Variants in MEPE observed in about 807,000 individuals in gnomAD.
The protein encoded by MEPE is matrix extracellular phosphoglycoprotein, also known as matrix, extracellular phosphoglycoprotein with ASARM motif (bone).
In MEPE, 7 loss-of-function variants were observed where a neutral mutation model predicts 7.3. The observed-to-expected ratio is 0.95, with a 90% CI of 0.54 to 1.79. The LOEUF (loss-of-function observed/expected upper bound fraction) is 1.79, where lower values mean the gene tolerates loss of function less well. Among genes scored for constraint, MEPE ranks in the 40% most tolerant of loss-of-function variants. MEPE has a pLI of 0.00. For missense variants in MEPE, 623 were observed against 628.2 expected, an observed-to-expected ratio of 0.99 and a Z score of 0.09; for synonymous variants, 214 against 213.1, an observed-to-expected ratio of 1.00 and a Z score of -0.04.
At chr4:87,832,745 T>C (rs914731034), upstream of MEPE, among the ~76,000 whole-genome samples, 42 of 152,206 alleles carry the variant, frequency 2.8e-4, no homozygotes, top group Admixed American at 2.2e-3. Flanking sequence ...GACAACATGA[T>C]GTCCAAACTG....
chr4:87,835,284 G>A lies in MEPE; in HGVS notation c.54+516G>A, dbSNP rs190518092. Among the ~76,000 whole-genome samples, 10 of 152,318 alleles carry A rather than the reference G, an allele frequency of 6.6e-5. No individual in the cohort carries two copies. The East Asian group carries it at 1.2e-3, about 18-fold the overall frequency. On this transcript the variant is annotated intron_variant, in intron 2 of 3. Transcript: ENST00000361056. Reference sequence around the variant, plus strand: ...TCATCAGCGAGGCTAGAGGTGGGACGTAGTACCTCCAAGCTTAACCCAAAT... The same window carrying A: ...TCATCAGCGAGGCTAGAGGTGGGACATAGTACCTCCAAGCTTAACCCAAAT...
In MEPE at chr4:87,846,543, A is replaced by G; in HGVS notation, c.*97A>G. The G allele has an allele frequency of 7.3e-7, 1 of 1,376,422 alleles. No homozygotes were observed. Among genetic ancestry groups the G allele is most frequent in the South Asian group, 1.4e-5 (1 of 71,404 alleles). The allele number at this position is 1,376,422 out of a possible 1,614,324, so 85.3% of individuals were successfully genotyped here. The stretch of plus-strand genomic sequence containing the variant: ...ACCTGACAGCTGACCAGGTGAAGAG[A>G]GGATAGAGTGAAGAACTGAGTGAGC... On this transcript the variant is annotated 3_prime_UTR_variant, in exon 4 of 4. Coordinates refer to ENST00000361056, the MANE Select transcript of MEPE (RefSeq NM_020203.6).
Position 87,846,477 on chromosome 4 carries a change from C to A in MEPE, c.*31C>A. The A allele has an allele frequency of 1.3e-6, 2 of 1,587,084 alleles. No homozygotes were observed. The highest frequency in any genetic ancestry group is 2.3e-5 in the South Asian group (2 of 85,840). On this transcript the variant is annotated 3_prime_UTR_variant, in exon 4 of 4. Transcript: ENST00000361056. The stretch of plus-strand genomic sequence containing the variant: ...CAGGAGTTCCCAGCGGGGTGACAGT[C>A]TGAAGACCTCGTCACCTGTGAGTTG...
Position 87,845,211 on chromosome 4 carries a change from T to C in MEPE, c.343T>C (p.Ser115Pro), listed in dbSNP as rs1040381838. Reference sequence around the variant, plus strand: ...GAATACTCACAATGGCCTGAGGATGTCAATTTATCCTAAGTCAACTGGGAA... The same window carrying C: ...GAATACTCACAATGGCCTGAGGATGCCAATTTATCCTAAGTCAACTGGGAA... ...KENTHNGLRM[S>P]IYPKSTGNKG... Residue 115 changes from serine (S) to proline (P), a missense_variant, in exon 4 of 4, where the codon TCA (serine) becomes CCA (proline). Ser to Pro is a moderately conservative substitution (Grantham distance 74, BLOSUM62 -1). Coordinates refer to ENST00000361056, the MANE Select transcript of MEPE (RefSeq NM_020203.6). 2 of 1,613,884 alleles carry C rather than the reference T, an allele frequency of 1.2e-6. No homozygotes were observed. Among genetic ancestry groups the C allele is most frequent in the African/African-American group, 2.7e-5 (2 of 74,898 alleles).
intron 2 of MEPE, 46 bp downstream of exon 2, chr4:87,834,814 TC>T: frequency 6.6e-7 from 1 of 1,522,574 alleles, no homozygotes; most frequent in Middle Eastern, 1.7e-4. Context: ...TCTCTTGCTC[TC>T]TTCATTTGTT....
upstream of MEPE, among the ~76,000 whole-genome samples, chr4:87,829,026 T>C (rs1276001893): frequency 6.6e-6 from 1 of 152,166 alleles, no homozygotes; most frequent in Non-Finnish European, 1.5e-5. Flanking sequence ...GGCAAAACTC[T>C]CTATTATACA....
At chr4:87,836,625 A>G (rs1722805348) in intron 2 of MEPE, among the ~76,000 whole-genome samples, 1 of 152,232 alleles carries the variant, frequency 6.6e-6, no homozygotes, top group Non-Finnish European at 1.5e-5. Flanking sequence ...AACATAAGAA[A>G]TGCAATAAAG....
At chr4:87,839,915 C>A (rs1376645986) in intron 3 of MEPE, 4 of 1,537,522 alleles carry the variant, frequency 2.6e-6, no homozygotes, top group African/African-American at 1.4e-5. Context: ...TGTCCCTTCC[C>A]TCCCTCCCCA....
chr4:87,826,130 A>T (rs1159532649), intron 1 of MEPE, among the ~76,000 whole-genome samples: 1 of 152,028 alleles, frequency 6.6e-6, no homozygotes, highest in Non-Finnish European at 1.5e-5. Flanking sequence ...TATATCATTG[A>T]TGCACATTCA....
chr4:87,826,928 AT>A (rs1398447524), intron 1 of MEPE, among the ~76,000 whole-genome samples: 1 of 152,000 alleles, frequency 6.6e-6, no homozygotes, highest in Non-Finnish European at 1.5e-5. Context: ...GATTGCAAAC[AT>A]TTTTTCCCAT....
chr4:87,824,578 T>G (rs1288688918), intron 1 of MEPE, among the ~76,000 whole-genome samples: 1 of 152,234 alleles, frequency 6.6e-6, no homozygotes, highest in Non-Finnish European at 1.5e-5. Flanking sequence ...CCAAAACAGG[T>G]GATGAGTCAG....
chr4:87,828,162 CT>C (rs1317540305), upstream of MEPE, among the ~76,000 whole-genome samples: 1 of 152,170 alleles, frequency 6.6e-6, no homozygotes, highest in Non-Finnish European at 1.5e-5. Flanking sequence ...CTTGACCAAT[CT>C]AAGCATCTGT....
intron 1 of MEPE, among the ~76,000 whole-genome samples, chr4:87,823,505 C>T (rs537182878): frequency 5.3e-5 from 8 of 152,294 alleles, no homozygotes; most frequent in Non-Finnish European, 8.8e-5. Flanking sequence ...GATTTTCTAC[C>T]ACGCTTTCTT....
rs776424745 is a variant in MEPE, at chr4:87,845,457, C to G, written c.589C>G (p.Pro197Ala). 9 of 1,613,824 alleles carry G rather than the reference C, an allele frequency of 5.6e-6. No individual in the cohort carries two copies. The East Asian group carries it at 1.6e-4, about 28-fold the overall frequency. The change falls in exon 4 of 4, where the codon CCT (proline) becomes GCT (alanine). Residue 197 changes from proline to alanine, a missense_variant. By Grantham distance (27) the Pro-to-Ala change is conservative (BLOSUM62 -1). Transcript: ENST00000361056. ...AGCACACTCGAAGGATAAAAAGAAGCCTCAAAGAGATTCCCAAGCCCAGAA... is the reference window on the plus strand; with the variant it reads ...AGCACACTCGAAGGATAAAAAGAAGGCTCAAAGAGATTCCCAAGCCCAGAA... The part of the protein sequence containing the change: ...AKAHSKDKKK[P>A]QRDSQAQKSP...
rs547472886 is a variant in MEPE at position 87,834,566 on chromosome 4, A to C, written c.-12-137A>C. ...GGTATAAGCAAGTTATACATAGTCT[A>C]TACACACACATACACAAAAGGATAT... On this transcript the variant is annotated intron_variant, in intron 1 of 3. Transcript: ENST00000361056. The C allele has an allele frequency of 3.2e-5, 20 of 621,364 alleles. No homozygotes were observed. The African/African-American group carries it at 3.7e-4, about 11-fold the overall frequency. The allele number at this position is 621,364 out of a possible 1,614,324, so 38.5% of individuals were successfully genotyped here.
At chr4:87,828,613 TGA>T (rs1722528559), upstream of MEPE, among the ~76,000 whole-genome samples, 1 of 152,114 alleles carries the variant, frequency 6.6e-6, no homozygotes, top group Admixed American at 6.6e-5. Context: ...TATTCCTGGG[TGA>T]GAGTCTAATA....
chr4:87,845,088 C>G lies in MEPE; in HGVS notation c.220C>G (p.Leu74Val). The G allele has an allele frequency of 3.7e-6, 6 of 1,613,616 alleles. No homozygotes were observed. Among genetic ancestry groups the G allele is most frequent in the Non-Finnish European group, 4.2e-6 (5 of 1,179,800 alleles). Residue 74 changes from leucine to valine, a missense_variant, in exon 4 of 4, where the codon CTT becomes GTT. Transcript: ENST00000361056. ...CCAGGAAAGAAAGAAAGATTTGTCC[C>G]TTTCTGAAGCCAGTGAGAATAAGGG... ...IVQERKKDLS[L>V]SEASENKGSS...
chr4:87,832,959 A>G (rs1486063153), upstream of MEPE: 12 of 152,230 alleles, frequency 7.9e-5, no homozygotes, highest in Non-Finnish European at 1.5e-5. Context: ...CAAAATGCCC[A>G]GAGACTTCTA....
At chr4:87,839,803 T>C (rs1722944282) in intron 3 of MEPE, 4 of 1,545,320 alleles carry the variant, frequency 2.6e-6, no homozygotes, top group Non-Finnish European at 3.5e-6. Flanking sequence ...GAATGACCAT[T>C]CTCAGCATGA....
Sources: allele counts gnomAD v4.1 joint callset (sites outside exome capture counted in the v4.1 genomes callset), GRCh38; gene constraint gnomAD v4.1.1; transcripts MANE v1.5; gene names NCBI Gene and HGNC (gene_info 2026-07-23, HGNC 2026-07-21).